Variants in PLEKHG5 observed in about 807,000 individuals in gnomAD.
PLEKHG5 encodes the protein pleckstrin homology and RhoGEF domain containing G5.
PLEKHG5 carries 52 observed loss-of-function variants against 103.8 expected under a neutral mutation model. The ratio of observed to expected loss-of-function variants is 0.50; its 90% CI spans 0.40 to 0.63. The LOEUF is 0.63. PLEKHG5 is among the 30% of genes least tolerant of loss of function. The probability of loss-of-function intolerance (pLI) is 0.00; values close to 1 mark genes in which losing one functional copy is unlikely to be tolerated. For synonymous variants in PLEKHG5, 592 were observed against 575.5 expected, an observed-to-expected ratio of 1.03 and a Z score of -0.41; for missense variants, 1,205 against 1,347.6, an observed-to-expected ratio of 0.89 and a Z score of 1.66.
exon 1 of PLEKHG5, chr1:6,519,748 G>A: frequency 1.7e-6 from 1 of 601,674 alleles, no homozygotes; most frequent in Non-Finnish European, 3.0e-6. Flanking sequence ...CAGGTCCCCT[G>A]GGCGCTGTAT....
In PLEKHG5 at chr1:6,475,100, C is replaced by G. The variant is rs1342604100; in HGVS notation, c.249G>C (p.Leu83=). Residue 83 remains leucine, a synonymous_variant, in exon 5 of 21, where the codon CTG becomes CTC. Coordinates refer to ENST00000377728, the MANE Select transcript of PLEKHG5 (RefSeq NM_020631.6). ...CGATCTCTGTCTCAATGTCCACATTCAGGTCAAATTTCAGAGTGAAGCATT... is the reference window on the plus strand; with the variant it reads ...CGATCTCTGTCTCAATGTCCACATTGAGGTCAAATTTCAGAGTGAAGCATT... The part of the protein sequence containing the change: ...SKECFTLKFD[L]NVDIETEIVP... 8.1e-6 allele frequency: 13 copies of G among 1,612,104 alleles called. No homozygotes were observed. The highest frequency in any genetic ancestry group is 1.1e-5 in the Non-Finnish European group (13 of 1,178,334).
intron 1 of PLEKHG5, among the ~76,000 whole-genome samples, chr1:6,507,332 C>A (rs1046467415): frequency 6.6e-6 from 1 of 152,148 alleles, no homozygotes. Context: ...TCAAAGCCAA[C>A]TTGGGGACCT....
intron 2 of PLEKHG5, among the ~76,000 whole-genome samples, chr1:6,477,225 G>A (rs1644785637): frequency 6.6e-6 from 1 of 152,224 alleles, no homozygotes; most frequent in Admixed American, 6.5e-5. Context: ...CTGAGGATAG[G>A]CAGAACTAGA....
chr1:6,501,139 C>A (rs1202679629), upstream of PLEKHG5, among the ~76,000 whole-genome samples: 2 of 152,188 alleles, frequency 1.3e-5, no homozygotes, highest in African/African-American at 4.8e-5. This position sits in a 1 kb window ranked among gnomAD's most constrained non-coding sequence, Gnocchi z 4.3. Flanking sequence ...ATGTTCTGGA[C>A]GGCTCCAGCT....
At chr1:6,468,957 A>G (rs1644479853) in intron 19 of PLEKHG5, 85 bp downstream of exon 19, 3 of 1,122,626 alleles carry the variant, frequency 2.7e-6, no homozygotes, top group East Asian at 4.7e-5. Flanking sequence ...CATTGGGAGG[A>G]AGGGAGCGTG....
At position 6,468,063 on chromosome 1, in the gene PLEKHG5, G is replaced by T; in HGVS notation, c.2773C>A (p.Pro925Thr). The change falls in exon 20 of 21, where the codon CCC becomes ACC. Residue 925 changes from proline to threonine, a missense_variant. Transcript: ENST00000377728. ...GGGGCCCCTCGGCAATCCCAGCTGG[G>T]CCCAGCTTCCTGAGGGGAGCCCTGA... ...RTQGSPQEAGPSWDCRGAPSP... is the reference protein window; with the variant it reads ...RTQGSPQEAGTSWDCRGAPSP... 1 of 1,574,692 alleles carries T rather than the reference G, an allele frequency of 6.4e-7. No homozygotes were observed.
rs2986743 is a variant in PLEKHG5, at chr1:6,490,766, T to C, written c.-88+871A>G. Reference sequence around the variant, plus strand: ...GCTTGGGGTAATCCAGGATCCGGGCTCAGGGGAGGGGGTGGGGGGCGTCAC... The same window carrying C: ...GCTTGGGGTAATCCAGGATCCGGGCCCAGGGGAGGGGGTGGGGGGCGTCAC... On this transcript the variant is annotated intron_variant, in intron 1 of 20. Transcript: ENST00000377728. This position sits in a 1 kb window ranked among gnomAD's most constrained non-coding sequence, Gnocchi z 8.0. Among the ~76,000 whole-genome samples the C allele has an allele frequency of 0.066, 9,997 of 151,394 alleles. 945 individuals carry two copies. The highest frequency in any genetic ancestry group is 0.21 in the African/African-American group (8,713 of 41,142).
chr1:6,467,460 C>T lies in PLEKHG5; in HGVS notation c.*103G>A. On this transcript the variant is annotated 3_prime_UTR_variant, in exon 21 of 21. Transcript: ENST00000377728. ...CAGGGATCCTGCCCAGCATCCGGCT[C>T]ATGCATACAGGAGGCAGTAGCTGAA... 8.8e-7 allele frequency: 1 copy of T among 1,133,064 alleles called. No homozygotes were observed. The allele number at this position is 1,133,064 out of a possible 1,614,324, so 70.2% of individuals were successfully genotyped here. A position where few individuals can be genotyped will look rare whatever the true frequency, so the allele number is the denominator to read the frequency against.
intron 1 of PLEKHG5, among the ~76,000 whole-genome samples, chr1:6,516,626 C>T (rs1002025182): frequency 2.0e-5 from 3 of 151,900 alleles, no homozygotes; most frequent in African/African-American, 7.3e-5. Context: ...CACTGCACTC[C>T]AGCCTGGGCA....
At position 6,469,055 on chromosome 1, in the gene PLEKHG5, C is replaced by T. The variant is rs768108924; in HGVS notation, c.2236G>A (p.Asp746Asn). ...TIMRKSSGSP[D>N]SQHCASDGST... ...GAGCAGACGTACCAGTGCTGAGAGTCGGGGCTGCCGCTGCTTTTCCGCATG... is the reference window on the plus strand; with the variant it reads ...GAGCAGACGTACCAGTGCTGAGAGTTGGGGCTGCCGCTGCTTTTCCGCATG... The change falls in exon 19 of 21, where the codon GAC becomes AAC. Residue 746 changes from aspartate to asparagine, a missense_variant. Coordinates refer to ENST00000377728, the MANE Select transcript of PLEKHG5 (RefSeq NM_020631.6). 4.3e-6 allele frequency: 7 copies of T among 1,613,376 alleles called. No individual in the cohort carries two copies. In the East Asian group the frequency reaches 8.9e-5, roughly 21 times the overall value.
intron 1 of PLEKHG5, among the ~76,000 whole-genome samples, chr1:6,482,098 C>A (rs1644917342): frequency 6.6e-6 from 1 of 152,012 alleles, no homozygotes; most frequent in Non-Finnish European, 1.5e-5. Flanking sequence ...GATGCTTTTC[C>A]CCAGATATTG....
In PLEKHG5 at chr1:6,471,041, C is replaced by G; in HGVS notation, c.1341G>C (p.Glu447Asp). The G allele has an allele frequency of 6.2e-7, 1 of 1,606,132 alleles. No homozygotes were observed. Among genetic ancestry groups the G allele is most frequent in the Non-Finnish European group, 8.5e-7 (1 of 1,176,782 alleles). ...RYCMEEEGCM[E>D]YMRGLLRDND... ...TGTCGCGCAGCAGGCCGCGCATGTA[C>G]TCCATGCAGCCCTCCTCCTCCATGC... The change falls in exon 13 of 21, where the codon GAG (glutamate) becomes GAC (aspartate). Residue 447 changes from glutamate (E) to aspartate (D), a missense_variant. By Grantham distance (45) the Glu-to-Asp change is conservative. Coordinates refer to ENST00000377728, the MANE Select transcript of PLEKHG5 (RefSeq NM_020631.6).
chr1:6,500,158 A>C (rs1645279484), upstream of PLEKHG5, among the ~76,000 whole-genome samples: 1 of 152,188 alleles, frequency 6.6e-6, no homozygotes, highest in Non-Finnish European at 1.5e-5. Flanking sequence ...AGGCCTGGGA[A>C]GGAAACATGA....
rs867788582 is a variant in PLEKHG5, at chr1:6,473,128, C to G, written c.842G>C (p.Ser281Thr). The change falls in exon 9 of 21, where the codon AGC becomes ACC. Residue 281 changes from serine to threonine, a missense_variant. Ser to Thr is a moderately conservative substitution (Grantham distance 58). Transcript: ENST00000377728. ...GGGCAGCCTGGGCAGCCCGAAGAGG[C>G]TGTAGGTGTGCAGCTTGCCCTCCAG... ...EQLEGKLHTY[S>T]LFGLPRLPRG... 6.2e-7 allele frequency: 1 copy of G among 1,613,876 alleles called. No individual in the cohort carries two copies. The highest frequency in any genetic ancestry group is 1.3e-5 in the African/African-American group (1 of 74,932).
intron 1 of PLEKHG5, among the ~76,000 whole-genome samples, chr1:6,480,877 C>T (rs183808663): frequency 4.3e-4 from 65 of 152,100 alleles, no homozygotes; most frequent in Middle Eastern, 6.8e-3. Context: ...CTGGGCTCAA[C>T]TGATCCGCCC....
chr1:6,470,005 T>C (rs1489709443), intron 16 of PLEKHG5, among the ~76,000 whole-genome samples: 1 of 152,174 alleles, frequency 6.6e-6, no homozygotes, highest in African/African-American at 2.4e-5. Context: ...ATGGCTGCCC[T>C]CCCACCAGGA....
intron 19 of PLEKHG5, among the ~76,000 whole-genome samples, 188 bp downstream of exon 19, chr1:6,468,854 C>T (rs1014385036): frequency 1.3e-5 from 2 of 152,208 alleles, no homozygotes; most frequent in Non-Finnish European, 2.9e-5. Context: ...ACGAATGGAT[C>T]AGGGCTGGCA....
chr1:6,467,921 G>C lies in PLEKHG5; in HGVS notation c.2915C>G (p.Pro972Arg), dbSNP rs777368688. The stretch of plus-strand genomic sequence containing the variant: ...GTGCTGGGCAGAGACCCCTGGTGGG[G>C]GCTCAGGCTGGACCCTGGGAGAGGC... The part of the protein sequence containing the change: ...SGASPRVQPE[P>R]PPGVSAQHRK... The change falls in exon 20 of 21, where the codon CCC (proline) becomes CGC (arginine). Residue 972 changes from proline (P) to arginine (R), a missense_variant. Physicochemically the swap from Pro to Arg is moderately radical, Grantham distance 103. Transcript: ENST00000377728. 3 of 1,595,014 alleles carry C rather than the reference G, an allele frequency of 1.9e-6. No homozygotes were observed. Among genetic ancestry groups the C allele is most frequent in the Admixed American group, 1.8e-5 (1 of 56,980 alleles).
upstream of PLEKHG5, among the ~76,000 whole-genome samples, chr1:6,499,700 T>C (rs952291697): frequency 6.6e-6 from 1 of 152,144 alleles, no homozygotes; most frequent in Non-Finnish European, 1.5e-5. Context: ...CCTATCCCCA[T>C]CTACAGCCTT....
Sources: allele counts gnomAD v4.1 joint callset (sites outside exome capture counted in the v4.1 genomes callset), GRCh38; gene constraint gnomAD v4.1.1; non-coding constraint Gnocchi (gnomAD v3.1); transcripts MANE v1.5; gene names NCBI Gene and HGNC (gene_info 2026-07-23, HGNC 2026-07-21).